Variants in DOCK1 observed in about 807,000 individuals in gnomAD.
The protein encoded by DOCK1 is dedicator of cytokinesis protein 1.
In DOCK1, 138 loss-of-function variants were observed where a neutral mutation model predicts 262.7. The ratio of observed to expected loss-of-function variants is 0.53; its 90% CI spans 0.46 to 0.61. The LOEUF is 0.61. Among genes scored for constraint, DOCK1 ranks in the 20% least tolerant of loss-of-function variants. DOCK1 has a pLI of 0.00. For synonymous variants in DOCK1, 866 were observed against 867.4 expected, an observed-to-expected ratio of 1.00 and a Z score of 0.03; for missense variants, 1,908 against 2,370.7, an observed-to-expected ratio of 0.80 and a Z score of 4.05.
At chr10:126,998,882 T>G (rs1239211717) in intron 8 of DOCK1, among the ~76,000 whole-genome samples, 1 of 152,252 alleles carries the variant, frequency 6.6e-6, no homozygotes. Flanking sequence ...TCACTTGTAT[T>G]ATTCAAAATT....
At chr10:127,261,272 T>TACCC (rs2060085995) in intron 29 of DOCK1, among the ~76,000 whole-genome samples, 1 of 139,142 alleles carries the variant, frequency 7.2e-6, no homozygotes, top group Admixed American at 7.1e-5. Flanking sequence ...GGTGTGTGTG[T>TACCC]GTGCCTGCAT....
intron 25 of DOCK1, among the ~76,000 whole-genome samples, chr10:127,113,405 G>A (rs964416916): frequency 5.9e-5 from 9 of 152,164 alleles, no homozygotes; most frequent in Admixed American, 1.3e-4. Flanking sequence ...CAGCTTGTGT[G>A]TTGCCTTACT....
intron 38 of DOCK1, among the ~76,000 whole-genome samples, chr10:127,393,387 C>T (rs2066615534): frequency 6.6e-6 from 1 of 152,166 alleles, no homozygotes; most frequent in Non-Finnish European, 1.5e-5. Flanking sequence ...TCATTACGTA[C>T]TTACTCTGTG....
intron 1 of DOCK1, among the ~76,000 whole-genome samples, chr10:126,942,497 A>G (rs2035090110): frequency 6.6e-6 from 1 of 152,140 alleles, no homozygotes; most frequent in African/African-American, 2.4e-5. Context: ...AGAACAGTAG[A>G]ATAAATCGTG....
chr10:126,956,597 C>T (rs1289885080), intron 1 of DOCK1, among the ~76,000 whole-genome samples: 10 of 152,212 alleles, frequency 6.6e-5, no homozygotes, highest in East Asian at 3.9e-4. Flanking sequence ...GCACTGGGGC[C>T]GTCTTAAAAT....
chr10:127,167,113 G>T (rs1038721901), intron 27 of DOCK1, among the ~76,000 whole-genome samples: 1 of 151,918 alleles, frequency 6.6e-6, no homozygotes, highest in Admixed American at 6.6e-5. Context: ...TATTTTTTAA[G>T]AACTTAAAAG....
chr10:127,255,429 C>A (rs897497323), intron 28 of DOCK1, among the ~76,000 whole-genome samples: 3 of 152,058 alleles, frequency 2.0e-5, no homozygotes, highest in African/African-American at 7.2e-5. Context: ...ACAAAAAATG[C>A]AACAGGAATA....
chr10:127,129,779 TAGAG>T (rs987384648), intron 27 of DOCK1, among the ~76,000 whole-genome samples: 5 of 152,236 alleles, frequency 3.3e-5, no homozygotes, highest in African/African-American at 9.6e-5. Context: ...TGGGCGGACT[TAGAG>T]AGGCTGGGGA....
chr10:127,252,528 T>C (rs2059687524), intron 28 of DOCK1, among the ~76,000 whole-genome samples: 1 of 145,606 alleles, frequency 6.9e-6, no homozygotes, highest in South Asian at 2.5e-4. Context: ...AGGTCTAATG[T>C]TTAAGTCTTT....
intron 31 of DOCK1, among the ~76,000 whole-genome samples, chr10:127,347,727 C>T (rs1193354065): frequency 6.6e-6 from 1 of 151,228 alleles, no homozygotes; most frequent in African/African-American, 2.4e-5. Flanking sequence ...AGCCATGACA[C>T]ACCCACTTAG....
chr10:127,404,900 A>T (rs1404364219), intron 40 of DOCK1, among the ~76,000 whole-genome samples: 1 of 152,200 alleles, frequency 6.6e-6, no homozygotes, highest in Non-Finnish European at 1.5e-5. Context: ...TTGTGTCTCT[A>T]TGAATCTGAC....
At chr10:127,019,014 T>G in intron 13 of DOCK1, 179 bp downstream of exon 13, 1 of 969,914 alleles carries the variant, frequency 1.0e-6, no homozygotes, top group Non-Finnish European at 1.5e-6. Context: ...AGTGGTAGAA[T>G]ATGCTCCCTG....
chr10:127,352,682 G>A (rs1041021823), intron 31 of DOCK1, among the ~76,000 whole-genome samples: 17 of 151,944 alleles, frequency 1.1e-4, no homozygotes, highest in Admixed American at 5.2e-4. Flanking sequence ...AACCTCCGCC[G>A]CCCAGGTTCA....
chr10:127,127,598 A>G (rs751962771), intron 26 of DOCK1, 71 bp from the exon 27 acceptor site: 5 of 1,250,522 alleles, frequency 4.0e-6, no homozygotes, highest in Non-Finnish European at 5.8e-6. Flanking sequence ...AAATGGATTC[A>G]ATGACAACCA....
intron 1 of DOCK1, among the ~76,000 whole-genome samples, chr10:126,927,759 C>A (rs2033867738): frequency 6.6e-6 from 1 of 152,144 alleles, no homozygotes; most frequent in African/African-American, 2.4e-5. Flanking sequence ...TTCACGTGTT[C>A]ATTCAGTAGA....
chr10:127,240,150 T>C (rs369594739), intron 27 of DOCK1, among the ~76,000 whole-genome samples: 1 of 152,138 alleles, frequency 6.6e-6, no homozygotes, highest in Non-Finnish European at 1.5e-5. Context: ...ACTAGTACTC[T>C]ATAAATTCAA....
At chr10:127,382,302 T>C (rs2065869569) in intron 37 of DOCK1, among the ~76,000 whole-genome samples, 1 of 152,202 alleles carries the variant, frequency 6.6e-6, no homozygotes, top group African/African-American at 2.4e-5. Flanking sequence ...AGACATTGTG[T>C]TATGGAGTAA....
intron 27 of DOCK1, among the ~76,000 whole-genome samples, chr10:127,146,922 G>A (rs1592220341): frequency 6.6e-6 from 1 of 152,090 alleles, no homozygotes; most frequent in African/African-American, 2.4e-5. Context: ...TGTCTTGATC[G>A]TGCACTATCC....
chr10:126,923,768 C>G (rs2033434457), intron 1 of DOCK1, among the ~76,000 whole-genome samples: 1 of 152,172 alleles, frequency 6.6e-6, no homozygotes, highest in African/African-American at 2.4e-5. Context: ...ACCTAATCAC[C>G]AAGGTGATGG....
Sources: gnomAD v4.1 joint callset for allele counts (sites outside exome capture counted in the v4.1 genomes callset) on GRCh38, gnomAD v4.1.1 for gene constraint, MANE v1.5 for transcripts, NCBI Gene and HGNC (gene_info 2026-07-23, HGNC 2026-07-21) for gene names.